Variants in AGXT2 observed in about 807,000 individuals in gnomAD.
AGXT2 encodes alanine--glyoxylate aminotransferase 2.
A neutral mutation model predicts 62.5 loss-of-function variants in AGXT2; 61 were observed. That is an observed-to-expected ratio of 0.98 (90% CI 0.79 to 1.21). The LOEUF (loss-of-function observed/expected upper bound fraction) is 1.21. AGXT2 is among the 50% of genes most tolerant of loss of function. AGXT2 has a pLI of 0.00. For synonymous variants in AGXT2, 243 were observed against 218.7 expected, an observed-to-expected ratio of 1.11 and a Z score of -0.98; for missense variants, 666 against 641.5, an observed-to-expected ratio of 1.04 and a Z score of -0.41.
intron 13 of AGXT2, among the ~76,000 whole-genome samples, chr5:35,001,151 G>T (rs1191373211): frequency 1.3e-5 from 2 of 152,174 alleles, no homozygotes; most frequent in Non-Finnish European, 1.5e-5. Flanking sequence ...TTTAGGAGGG[G>T]TTTATCAGGA....
intron 1 of AGXT2, 31 bp from the exon 2 acceptor site, chr5:35,040,694 T>A: frequency 1.3e-6 from 2 of 1,541,528 alleles, no homozygotes; most frequent in Non-Finnish European, 9.0e-7. Context: ...AATCCTCAAC[T>A]AAGCATGACA....
chr5:34,998,797 G>A lies in AGXT2; in HGVS notation c.1467C>T (p.Ile489=). 6.2e-7 allele frequency: 1 copy of A among 1,613,900 alleles called. No individual in the cohort carries two copies. ...QTFRIAPSMC[I]TKPEVDFAVE... is the part of the protein sequence containing the mutation. ...CTGCAAAATCAACTTCTGGTTTAGT[G>A]ATGCACATTGAGGGCGCAATGCGAA... Residue 489 remains isoleucine, a synonymous_variant, in exon 14 of 14, where the codon ATC becomes ATT. Coordinates refer to ENST00000231420, the MANE Select transcript of AGXT2 (RefSeq NM_031900.4).
intron 7 of AGXT2, among the ~76,000 whole-genome samples, chr5:35,029,885 A>T (rs1343900073): frequency 6.6e-6 from 1 of 152,124 alleles, no homozygotes; most frequent in Admixed American, 6.5e-5. Flanking sequence ...AAACATCTAG[A>T]TTAGACTCAC....
intron 12 of AGXT2, among the ~76,000 whole-genome samples, chr5:35,004,751 C>T (rs757830604): frequency 3.3e-5 from 5 of 152,146 alleles, no homozygotes; most frequent in Non-Finnish European, 5.9e-5. Flanking sequence ...GTGAGGTAGA[C>T]GGGGCCCCTC....
chr5:35,003,215 G>A (rs1206668946), intron 13 of AGXT2, among the ~76,000 whole-genome samples: 1 of 152,170 alleles, frequency 6.6e-6, no homozygotes, highest in Non-Finnish European at 1.5e-5. Flanking sequence ...GGCTCTGGCT[G>A]ATTTTGAGTT....
rs1255516165 is a variant in AGXT2 at position 35,047,846 on chromosome 5, G to A, written c.47C>T (p.Thr16Ile). ...RHLLRPLCLV[T>I]SAPRILEMHP... ...CATCTCAAGGATCCTGGGAGCGGAAGTGACCAGGCACAAGGGTCTCAGCAA... is the reference window on the plus strand; with the variant it reads ...CATCTCAAGGATCCTGGGAGCGGAAATGACCAGGCACAAGGGTCTCAGCAA... The change falls in exon 1 of 14, where the codon ACT becomes ATT. Residue 16 changes from threonine (T) to isoleucine (I), a missense_variant. Coordinates refer to ENST00000231420, the MANE Select transcript of AGXT2 (RefSeq NM_031900.4). 2 of 1,613,996 alleles carry A rather than the reference G, an allele frequency of 1.2e-6. No homozygotes were observed. Among genetic ancestry groups the A allele is most frequent in the Non-Finnish European group, 1.7e-6 (2 of 1,180,018 alleles).
chr5:35,045,059 T>C (rs1768134048), intron 1 of AGXT2, among the ~76,000 whole-genome samples: 1 of 152,214 alleles, frequency 6.6e-6, no homozygotes, highest in Non-Finnish European at 1.5e-5. Flanking sequence ...GCAAATGTTA[T>C]ATATTTCAGT....
In AGXT2 at chr5:35,009,986, A is replaced by G. The variant is rs1297138883; in HGVS notation, c.1338+14T>C. The G allele has an allele frequency of 6.2e-7, 1 of 1,614,170 alleles. No individual in the cohort carries two copies. Among genetic ancestry groups the G allele is most frequent in the Non-Finnish European group, 8.5e-7 (1 of 1,180,036 alleles). ...CTCCAAGCAGCTGAGAGAGAGGGGC[A>G]GATTAGCACCTACCTTATCCTGCAC... On this transcript the variant is annotated intron_variant, in intron 12 of 13. Coordinates refer to ENST00000231420, the MANE Select transcript of AGXT2 (RefSeq NM_031900.4).
At chr5:35,018,393 G>C (rs775740648) in intron 9 of AGXT2, among the ~76,000 whole-genome samples, 3 of 152,270 alleles carry the variant, frequency 2.0e-5, no homozygotes, top group Admixed American at 2.0e-4. Flanking sequence ...AACTCTACAA[G>C]CCAGAAGAGA....
At chr5:35,013,868 GA>G in intron 10 of AGXT2, 118 bp downstream of exon 10, 1 of 1,440,024 alleles carries the variant, frequency 6.9e-7, no homozygotes, top group South Asian at 1.2e-5. Flanking sequence ...ATTTGCTTGG[GA>G]AATGCATCAT....
At chr5:35,007,824 G>A (rs1333668161) in intron 12 of AGXT2, among the ~76,000 whole-genome samples, 7 of 152,144 alleles carry the variant, frequency 4.6e-5, no homozygotes, top group Admixed American at 6.5e-5. Flanking sequence ...AGGTGCTTGG[G>A]TGGTGGGGGC....
At chr5:35,018,006 G>C (rs565317574) in intron 9 of AGXT2, among the ~76,000 whole-genome samples, 1 of 152,186 alleles carries the variant, frequency 6.6e-6, no homozygotes. Flanking sequence ...AATGAAGACA[G>C]AAGGGAAGTT....
At chr5:35,020,227 GC>G (rs1218404206) in intron 9 of AGXT2, among the ~76,000 whole-genome samples, 2 of 152,134 alleles carry the variant, frequency 1.3e-5, no homozygotes, top group African/African-American at 4.8e-5. Flanking sequence ...ATTTTATGAG[GC>G]CAGCATCATC....
chr5:35,033,359 G>T, intron 6 of AGXT2, 101 bp downstream of exon 6: 2 of 944,582 alleles, frequency 2.1e-6, no homozygotes, highest in Non-Finnish European at 3.4e-6. Flanking sequence ...TTAATGACAG[G>T]CTTTATATTA....
intron 13 of AGXT2, among the ~76,000 whole-genome samples, chr5:35,001,997 A>G (rs1205281434): frequency 6.6e-6 from 1 of 152,116 alleles, no homozygotes; most frequent in Non-Finnish European, 1.5e-5. Context: ...AAAAAATCAC[A>G]AAAACTGCAA....
At chr5:35,010,176 T>C (rs758502169) in intron 11 of AGXT2, 27 bp from the exon 12 acceptor site, 2 of 1,613,984 alleles carry the variant, frequency 1.2e-6, no homozygotes, top group South Asian at 2.2e-5. Context: ...CCAAATGATC[T>C]TACATGGCAG....
At chr5:35,038,601 CTT>C (rs1308449721) in intron 3 of AGXT2, among the ~76,000 whole-genome samples, 1 of 152,170 alleles carries the variant, frequency 6.6e-6, no homozygotes, top group Non-Finnish European at 1.5e-5. Flanking sequence ...GGGGGGGACT[CTT>C]TGCCTCCTGC....
intron 9 of AGXT2, among the ~76,000 whole-genome samples, chr5:35,021,267 G>C (rs564203217): frequency 6.6e-6 from 1 of 152,082 alleles, no homozygotes; most frequent in Non-Finnish European, 1.5e-5. Flanking sequence ...TTCGCCAAGT[G>C]AATCCTAAGC....
chr5:35,031,990 T>C (rs1767578166), intron 7 of AGXT2, among the ~76,000 whole-genome samples: 1 of 149,932 alleles, frequency 6.7e-6, no homozygotes. Flanking sequence ...TCTTGTTCTG[T>C]TGCCCAGGTT....
Sources: gnomAD v4.1 joint callset for allele counts (sites outside exome capture counted in the v4.1 genomes callset) on GRCh38, gnomAD v4.1.1 for gene constraint, MANE v1.5 for transcripts, NCBI Gene and HGNC (gene_info 2026-07-23, HGNC 2026-07-21) for gene names.